Variants in C4orf36 observed in about 807,000 individuals in gnomAD.
C4orf36 encodes uncharacterized protein C4orf36.
A neutral mutation model predicts 12.2 loss-of-function variants in C4orf36; 11 were observed. That is an observed-to-expected ratio of 0.90 (90% CI 0.57 to 1.49). The LOEUF is 1.49. C4orf36 is among the 40% of genes most tolerant of loss of function. The pLI is 0.00. For synonymous variants in C4orf36, 54 were observed against 51.3 expected (o/e 1.05, Z -0.22); for missense variants, 137 against 133.9 (o/e 1.02, Z -0.11).
intron 1 of C4orf36, 186 bp downstream of exon 1, chr4:86,891,997 T>C (rs1747435432): frequency 2.0e-6 from 2 of 990,358 alleles, no homozygotes; most frequent in Non-Finnish European, 2.4e-6. Flanking sequence ...TTTTCCCTCA[T>C]TCAAAACACT....
the C4orf36 span, among the ~76,000 whole-genome samples, chr4:86,926,956 G>A: frequency 1.3e-5 from 2 of 152,142 alleles, no homozygotes; most frequent in African/African-American, 4.8e-5. Context: ...AAGTTTTGTT[G>A]GAATAATCAT....
the C4orf36 span, among the ~76,000 whole-genome samples, chr4:86,901,556 C>T: frequency 6.6e-5 from 10 of 151,134 alleles, 1 homozygote; most frequent in Non-Finnish European, 7.4e-5. Flanking sequence ...TACAGGCACC[C>T]GCCACCGCAC....
upstream of C4orf36, among the ~76,000 whole-genome samples, chr4:86,892,845 C>T (rs1177696784): frequency 1.3e-5 from 2 of 152,214 alleles, no homozygotes; most frequent in African/African-American, 2.4e-5. Context: ...GCCGTTATTA[C>T]GCTGTGGTGA....
chr4:86,896,351 ATCG>A (rs767220445), upstream of C4orf36, among the ~76,000 whole-genome samples: 7 of 152,234 alleles, frequency 4.6e-5, no homozygotes, highest in Admixed American at 1.3e-4. Flanking sequence ...ATGTATGTGT[ATCG>A]TCATTCTCAT....
At chr4:86,902,377 G>A in the C4orf36 span, among the ~76,000 whole-genome samples, 10 of 131,956 alleles carry the variant, frequency 7.6e-5, no homozygotes, top group African/African-American at 2.9e-4. Context: ...AGCTATGATC[G>A]TGCCACTGCA....
chr4:86,895,921 C>T (rs1747581897), upstream of C4orf36, among the ~76,000 whole-genome samples: 1 of 152,242 alleles, frequency 6.6e-6, no homozygotes, highest in Non-Finnish European at 1.5e-5. Flanking sequence ...GTTAAGAGAG[C>T]ATTGCTGCCA....
chr4:86,924,740 G>A, the C4orf36 span: 67 of 152,358 alleles, frequency 4.4e-4, 1 homozygote, highest in African/African-American at 1.4e-3. Flanking sequence ...GAGGCTTAAT[G>A]TCAGCTTTAC....
the C4orf36 span, among the ~76,000 whole-genome samples, chr4:86,929,251 G>A: frequency 6.6e-6 from 1 of 152,158 alleles, no homozygotes; most frequent in East Asian, 1.9e-4. Flanking sequence ...AAATCAAGGT[G>A]TAGCCAGATG....
the C4orf36 span, among the ~76,000 whole-genome samples, chr4:86,931,060 A>T: frequency 6.6e-6 from 1 of 152,198 alleles, no homozygotes; most frequent in African/African-American, 2.4e-5. Flanking sequence ...CAGTCTCAGT[A>T]ATCTTTCTAA....
chr4:86,915,351 T>C, the C4orf36 span, among the ~76,000 whole-genome samples: 1 of 152,216 alleles, frequency 6.6e-6, no homozygotes, highest in Non-Finnish European at 1.5e-5. Context: ...AGGTTCTGAC[T>C]CTTCACATCA....
At chr4:86,924,373 G>C in the C4orf36 span, among the ~76,000 whole-genome samples, 1 of 152,132 alleles carries the variant, frequency 6.6e-6, no homozygotes, top group Non-Finnish European at 1.5e-5. Flanking sequence ...CTAATTTTTT[G>C]TATTTTTAGT....
the C4orf36 span, among the ~76,000 whole-genome samples, chr4:86,900,330 G>A: frequency 1.3e-5 from 2 of 152,112 alleles, no homozygotes; most frequent in African/African-American, 2.4e-5. Context: ...ACCGCACCTG[G>A]CAGTAGGCAG....
chr4:86,919,885 A>C, the C4orf36 span, among the ~76,000 whole-genome samples: 1 of 152,102 alleles, frequency 6.6e-6, no homozygotes, highest in Non-Finnish European at 1.5e-5. Flanking sequence ...AAATTTAAAA[A>C]TTAGCTGAGA....
the C4orf36 span, among the ~76,000 whole-genome samples, chr4:86,903,922 T>A: frequency 4.6e-5 from 7 of 152,198 alleles, no homozygotes; most frequent in African/African-American, 1.7e-4. Context: ...CACAGAGCGC[T>A]GATTGGTGCG....
At position 86,888,116 on chromosome 4, in the gene C4orf36, C is replaced by A; in HGVS notation, c.220+5G>T. 6.2e-7 allele frequency: 1 copy of A among 1,608,092 alleles called. No homozygotes were observed. Reference sequence around the variant, plus strand: ...ACTTATTAAAGCAGAACTTAAGGAACTTACATTCTGCAGAAGGGAGCAGTC... The same window carrying A: ...ACTTATTAAAGCAGAACTTAAGGAAATTACATTCTGCAGAAGGGAGCAGTC... On this transcript the variant is annotated splice_donor_5th_base_variant and intron_variant, in intron 3 of 4. Coordinates refer to ENST00000295898, the MANE Select transcript of C4orf36 (RefSeq NM_144645.4).
At chr4:86,924,873 C>G in the C4orf36 span, 2 of 152,202 alleles carry the variant, frequency 1.3e-5, no homozygotes, top group Admixed American at 6.5e-5. Flanking sequence ...TTAATTTACT[C>G]ATGGTTCTGC....
At chr4:86,926,568 G>C in the C4orf36 span, among the ~76,000 whole-genome samples, 1 of 152,170 alleles carries the variant, frequency 6.6e-6, no homozygotes, top group Non-Finnish European at 1.5e-5. Flanking sequence ...GGTCCTCATA[G>C]ATAAGGAATG....
intron 4 of C4orf36, chr4:86,887,272 A>T (rs898165509): frequency 6.6e-6 from 1 of 152,146 alleles, no homozygotes; most frequent in African/African-American, 2.4e-5. Context: ...TAAAAAATAT[A>T]TATATTTAAA....
chr4:86,907,612 A>G, the C4orf36 span, among the ~76,000 whole-genome samples: 4 of 152,166 alleles, frequency 2.6e-5, no homozygotes, highest in African/African-American at 9.7e-5. Flanking sequence ...ACACAACACA[A>G]AGACTCAAGG....
Sources: gnomAD v4.1 joint callset for allele counts (sites outside exome capture counted in the v4.1 genomes callset) on GRCh38, gnomAD v4.1.1 for gene constraint, MANE v1.5 for transcripts, NCBI Gene and HGNC (gene_info 2026-07-23, HGNC 2026-07-21) for gene names.